PLXND1: variants seen among roughly 807,000 people sequenced by gnomAD.
PLXND1 encodes plexin D1.
Under a neutral mutation model 197.7 loss-of-function variants are expected in PLXND1, and 54 were observed. The ratio of observed to expected loss-of-function variants is 0.27; its 90% confidence interval spans 0.22 to 0.34. The LOEUF (loss-of-function observed/expected upper bound fraction) is 0.34, where lower values mean the gene tolerates loss of function less well. PLXND1 is among the 10% of genes least tolerant of loss of function. The probability of loss-of-function intolerance (pLI) is 1.00; values close to 1 mark genes in which losing one functional copy is unlikely to be tolerated. For synonymous variants in PLXND1, 1,180 were observed against 1,161.2 expected (o/e 1.02, Z -0.33); for missense variants, 2,127 against 2,699.2 (o/e 0.79, Z 4.70).
chr3:129,597,108 T>C (rs926281277), intron 1 of PLXND1, among the ~76,000 whole-genome samples: 1 of 152,114 alleles, frequency 6.6e-6, no homozygotes. Flanking sequence ...CCTGAAAGAG[T>C]TGATGCTGCT....
At chr3:129,605,296 G>GCCGCCGCCGCCGCCGCCA in intron 1 of PLXND1, 33 bp downstream of exon 1, 1 of 933,592 alleles carries the variant, frequency 1.1e-6, no homozygotes, top group Non-Finnish European at 1.4e-6. Context: ...CGCCGCCGCC[G>GCCGCCGCCGCCGCCGCCA]CCGCCGCCGC....
At chr3:129,570,711 G>T in intron 19 of PLXND1, 75 bp downstream of exon 19, 3 of 1,433,096 alleles carry the variant, frequency 2.1e-6, no homozygotes, top group Non-Finnish European at 2.9e-6. Context: ...CAGGTGCTGG[G>T]TGAGGGGCAG....
chr3:129,594,172 A>G (rs1384272241), intron 1 of PLXND1, among the ~76,000 whole-genome samples: 1 of 152,180 alleles, frequency 6.6e-6, no homozygotes, highest in Admixed American at 6.5e-5. Context: ...TGGCTACCAC[A>G]CCGGCTGCGG....
intron 29 of PLXND1, chr3:129,561,116 C>A: frequency 2.1e-6 from 1 of 472,620 alleles, no homozygotes; most frequent in Admixed American, 2.3e-5. Flanking sequence ...GGAGGAGGGG[C>A]CCCAGGCAGG....
At position 129,555,360 on chromosome 3, in the gene PLXND1, T is replaced by G; in HGVS notation, c.*952A>C. 98 of 590,212 alleles carry G rather than the reference T, an allele frequency of 1.7e-4. No homozygotes were observed. Among genetic ancestry groups the G allele is most frequent in the East Asian group, 3.0e-4 (9 of 30,384 alleles). The allele number at this position is 590,212 out of a possible 1,614,324, so 36.6% of individuals were successfully genotyped here. A position where few individuals can be genotyped will look rare whatever the true frequency, so the allele number is the denominator to read the frequency against. On this transcript the variant is annotated 3_prime_UTR_variant, in exon 36 of 36. Coordinates refer to ENST00000324093, the MANE Select transcript of PLXND1 (RefSeq NM_015103.3). ...TGGCCCATCGGCCACAGAGGGTCGT[T>G]TCTGGCAGGAACGGAGTGGGTGGTA...
intron 1 of PLXND1, among the ~76,000 whole-genome samples, chr3:129,592,754 C>T (rs893918510): frequency 2.0e-5 from 3 of 152,324 alleles, no homozygotes; most frequent in Admixed American, 6.5e-5. Context: ...AGTAAGCCGT[C>T]GGCTGCTCCG....
At chr3:129,597,256 C>A (rs1164794415) in intron 1 of PLXND1, among the ~76,000 whole-genome samples, 3 of 152,080 alleles carry the variant, frequency 2.0e-5, no homozygotes, top group Non-Finnish European at 4.4e-5. Context: ...TCCCCACCCG[C>A]CGCTCTGCTG....
chr3:129,596,043 C>A (rs2085617305), intron 1 of PLXND1, among the ~76,000 whole-genome samples: 1 of 152,154 alleles, frequency 6.6e-6, no homozygotes, highest in African/African-American at 2.4e-5. Context: ...ACCATCCCCT[C>A]TGAACCTCGG....
Position 129,605,779 on chromosome 3 carries a change from G to C in PLXND1, c.861C>G (p.Ser287=). ...LGFVSAFLHP[S]DPPPGAQSYA... is the part of the protein sequence containing the mutation. ...AGGACTGTGCACCCGGCGGCGGGTCGGACGGGTGCAGGAAGGCGCTCACGA... is the reference window on the plus strand; with the variant it reads ...AGGACTGTGCACCCGGCGGCGGGTCCGACGGGTGCAGGAAGGCGCTCACGA... The change falls in exon 1 of 36, where the codon TCC becomes TCG. Residue 287 remains serine (S), a synonymous_variant. Coordinates refer to ENST00000324093, the MANE Select transcript of PLXND1 (RefSeq NM_015103.3). The C allele has an allele frequency of 6.3e-7, 1 of 1,581,838 alleles. No homozygotes were observed. The highest frequency in any genetic ancestry group is 8.6e-7 in the Non-Finnish European group (1 of 1,165,220).
rs1193427077 is a variant in PLXND1, at chr3:129,562,029, C to T, written c.4826-126G>A. 4.5e-6 allele frequency: 3 copies of T among 665,180 alleles called. No homozygotes were observed. The Admixed American group carries it at 7.3e-5, about 16-fold the overall frequency. 41.2% of individuals were successfully genotyped at this position (665,180 alleles called of 1,614,324 possible). On this transcript the variant is annotated intron_variant, in intron 27 of 35. Coordinates refer to ENST00000324093, the MANE Select transcript of PLXND1 (RefSeq NM_015103.3). Reference sequence around the variant, plus strand: ...ATGTAAACTGAGGCAAGCCATACCTCTCTCTGAGCCTCCATTTTCCCATCT... The same window carrying T: ...ATGTAAACTGAGGCAAGCCATACCTTTCTCTGAGCCTCCATTTTCCCATCT...
At chr3:129,575,372 C>T (rs192623185) in intron 11 of PLXND1, 97 bp downstream of exon 11, 228 of 732,584 alleles carry the variant, frequency 3.1e-4, no homozygotes, top group African/African-American at 2.0e-3. Context: ...GGGACATCTG[C>T]GGCTTTGGGG....
intron 8 of PLXND1, among the ~76,000 whole-genome samples, chr3:129,581,636 G>T (rs552173443): frequency 8.4e-4 from 128 of 152,144 alleles, no homozygotes; most frequent in Non-Finnish European, 1.8e-3. Context: ...AACCCTTCAG[G>T]CAGGTCCCAT....
intron 5 of PLXND1, among the ~76,000 whole-genome samples, chr3:129,585,578 T>TCCTCCA: frequency 6.6e-6 from 1 of 152,348 alleles, no homozygotes; most frequent in South Asian, 2.1e-4. Flanking sequence ...CTCCAACTTG[T>TCCTCCA]ACCCTCCCTC....
intron 34 of PLXND1, 110 bp from the exon 35 acceptor site, chr3:129,556,801 G>C: frequency 1.2e-6 from 1 of 827,488 alleles, no homozygotes; most frequent in Non-Finnish European, 2.0e-6. Flanking sequence ...GGCCCCCACA[G>C]AACAGTTCAG....
At chr3:129,599,042 C>T (rs1388361611) in intron 1 of PLXND1, among the ~76,000 whole-genome samples, 1 of 152,216 alleles carries the variant, frequency 6.6e-6, no homozygotes, top group African/African-American at 2.4e-5. Context: ...TTCCTTGCCA[C>T]TCCATGGGCC....
rs2085323354 is a variant in PLXND1, at chr3:129,577,040, T to A, written c.2347-1185A>T. 6.6e-6 allele frequency among the ~76,000 whole-genome samples: 1 copy of A among 152,134 alleles called. No individual in the cohort carries two copies. Among genetic ancestry groups the A allele is most frequent in the Non-Finnish European group, 1.5e-5 (1 of 68,030 alleles). Reference sequence around the variant, plus strand: ...GAATGCAGGTCAACCTCCCTGCTTCTGGGGTCCCAGCCCGGAAGCTAACAC... The same window carrying A: ...GAATGCAGGTCAACCTCCCTGCTTCAGGGGTCCCAGCCCGGAAGCTAACAC... On this transcript the variant is annotated intron_variant, in intron 9 of 35. Coordinates refer to ENST00000324093, the MANE Select transcript of PLXND1 (RefSeq NM_015103.3). The surrounding 1 kb of genome is among the most constrained non-coding windows in gnomAD (Gnocchi z 5.0).
chr3:129,581,993 G>C (rs911985041), intron 8 of PLXND1, among the ~76,000 whole-genome samples: 1 of 152,238 alleles, frequency 6.6e-6, no homozygotes, highest in Admixed American at 6.5e-5. Flanking sequence ...CCAGACAGGA[G>C]CAGGAGTCCT....
Position 129,561,872 on chromosome 3 carries a change from G to A in PLXND1, c.4857C>T (p.Ile1619=). ...EWFASSTQSY[I]LRDLDDTSVV... is the part of the protein sequence containing the mutation. ...CTGAGGTGTCGTCCAGGTCCCGAAG[G>A]ATGTAGCTCTGTGTGCTGGAGGCGA... Residue 1619 remains isoleucine (I), a synonymous_variant, in exon 28 of 36, where the codon ATC becomes ATT. Coordinates refer to ENST00000324093, the MANE Select transcript of PLXND1 (RefSeq NM_015103.3). 1 of 1,614,030 alleles carries A rather than the reference G, an allele frequency of 6.2e-7. No individual in the cohort carries two copies. The highest frequency in any genetic ancestry group is 1.1e-5 in the South Asian group (1 of 91,086).
At position 129,555,637 on chromosome 3, in the gene PLXND1, T is replaced by TTCC. The variant is rs2084963089; in HGVS notation, c.*672_*674dup. The TTCC allele has an allele frequency of 1.8e-6, 1 of 554,482 alleles. No individual in the cohort carries two copies. 34.3% of individuals were successfully genotyped at this position (554,482 alleles called of 1,614,324 possible). A position where few individuals can be genotyped will look rare whatever the true frequency, so the allele number is the denominator to read the frequency against. ...TCGGTGCATCTTAACCCCTCTCCTTTTCCTGGAGACGGGGCTCCCAGCTCC... is the reference window on the plus strand; with the variant it reads ...TCGGTGCATCTTAACCCCTCTCCTTTTCCTCCTGGAGACGGGGCTCCCAGCTCC... On this transcript the variant is annotated 3_prime_UTR_variant, in exon 36 of 36. Transcript: ENST00000324093.
Sources: gnomAD v4.1 joint callset for allele counts (sites outside exome capture counted in the v4.1 genomes callset) on GRCh38, gnomAD v4.1.1 for gene constraint, Gnocchi (gnomAD v3.1) non-coding constraint, MANE v1.5 for transcripts, NCBI Gene and HGNC (gene_info 2026-07-23, HGNC 2026-07-21) for gene names.